MTRFR: variants seen among roughly 807,000 people sequenced by gnomAD.
MTRFR encodes mitochondrial translation release factor in rescue, also known as probable peptide chain release factor C12orf65, mitochondrial.
Under a neutral mutation model 11.9 loss-of-function variants are expected in MTRFR, and 10 were observed. The observed-to-expected ratio is 0.84, with a 90% confidence interval of 0.52 to 1.42. MTRFR has a LOEUF of 1.42. Among genes scored for constraint, MTRFR ranks in the 40% most tolerant of loss-of-function variants. The pLI is 0.00. For synonymous variants in MTRFR, 77 were observed against 79.1 expected (o/e 0.97, Z 0.14); for missense variants, 196 against 197.9 (o/e 0.99, Z 0.06).
rs1533703 is a variant in MTRFR at position 123,257,546 on chromosome 12, T to G, written c.*515T>G. 0.64 allele frequency: 102,844 copies of G among 159,646 alleles called. 37,743 individuals carry two copies. The highest frequency in any genetic ancestry group is 1 in the East Asian group (5,366 of 5,390). 9.9% of individuals were successfully genotyped at this position (159,646 alleles called of 1,614,324 possible). A position where few individuals can be genotyped will look rare whatever the true frequency, so the allele number is the denominator to read the frequency against. ...CATCTCAAAAAAAAAATAAAACTAG[T>G]TCAAGTGCAATGACACACGCCTATA... On this transcript the variant is annotated 3_prime_UTR_variant, in exon 3 of 3. Transcript: ENST00000253233.
At chr12:123,239,235 C>T (rs935477746) in intron 1 of MTRFR, among the ~76,000 whole-genome samples, 1 of 152,212 alleles carries the variant, frequency 6.6e-6, no homozygotes, top group Non-Finnish European at 1.5e-5. Flanking sequence ...CGCCACTATA[C>T]TCCAGCCTGG....
At position 123,256,841 on chromosome 12, in the gene MTRFR, A is replaced by G. The variant is rs2138800133; in HGVS notation, c.311A>G (p.Asn104Ser). 1.2e-6 allele frequency: 2 copies of G among 1,613,646 alleles called. No individual in the cohort carries two copies. The highest frequency in any genetic ancestry group is 4.5e-5 in the East Asian group (2 of 44,882). The change falls in exon 3 of 3, where the codon AAC becomes AGC. Residue 104 changes from asparagine (N) to serine (S), a missense_variant. By Grantham distance (46) the Asn-to-Ser change is conservative (BLOSUM62 1). Transcript: ENST00000253233. ...KCHQTRSVDQ[N>S]RKLARKILQE... ...CATCAGACAAGATCAGTTGATCAGAACAGAAAGCTAGCTCGGAAAATCCTA... is the reference window on the plus strand; with the variant it reads ...CATCAGACAAGATCAGTTGATCAGAGCAGAAAGCTAGCTCGGAAAATCCTA...
rs548960972 is a variant in MTRFR, at chr12:123,247,441, G to C, written c.-28-6206G>C. On this transcript the variant is annotated intron_variant, in intron 1 of 2. Coordinates refer to ENST00000253233, the MANE Select transcript of MTRFR (RefSeq NM_152269.5). ...CTCTTTTAACTGCTGTTGCTTTAAA[G>C]TTTTTGTCTGATACAAGAATAGCTA... Among the ~76,000 whole-genome samples, 10 of 152,294 alleles carry C rather than the reference G, an allele frequency of 6.6e-5. No homozygotes were observed. In the South Asian group the frequency reaches 2.1e-3, roughly 32 times the overall value.
Position 123,256,881 on chromosome 12 carries a change from T to C in MTRFR, c.351T>C (p.Asp117=), listed in dbSNP as rs750686975. The C allele has an allele frequency of 1.9e-6, 3 of 1,613,948 alleles. No homozygotes were observed. The highest frequency in any genetic ancestry group is 1.7e-5 in the Admixed American group (1 of 59,998). Residue 117 remains aspartate, a synonymous_variant, in exon 3 of 3, where the codon GAT becomes GAC. Transcript: ENST00000253233. ...GGAAAATCCTACAAGAGAAAGTAGATGTTTTCTACAATGGTGAAAACAGTC... is the reference window on the plus strand; with the variant it reads ...GGAAAATCCTACAAGAGAAAGTAGACGTTTTCTACAATGGTGAAAACAGTC... ...LARKILQEKV[D]VFYNGENSPV...
At position 123,233,472 on chromosome 12, in the gene MTRFR, C is replaced by A. The variant is rs577696104; in HGVS notation, c.-88C>A. 2.0e-5 allele frequency: 3 copies of A among 152,300 alleles called. No individual in the cohort carries two copies. Among genetic ancestry groups the A allele is most frequent in the African/African-American group, 7.2e-5 (3 of 41,468 alleles). The allele number at this position is 152,300 out of a possible 1,614,324, so 9.4% of individuals were successfully genotyped here. A position where few individuals can be genotyped will look rare whatever the true frequency, so the allele number is the denominator to read the frequency against. On this transcript the variant is annotated 5_prime_UTR_variant, in exon 1 of 3. Coordinates refer to ENST00000253233, the MANE Select transcript of MTRFR (RefSeq NM_152269.5). ...TCAGGGATCGCGATTGCGAATCCTC[C>A]GCTGAGGTGATTTGGATATCCCTAG...
intron 1 of MTRFR, among the ~76,000 whole-genome samples, chr12:123,242,239 A>G (rs1358336593): frequency 6.6e-6 from 1 of 152,192 alleles, no homozygotes; most frequent in African/African-American, 2.4e-5. Context: ...GCCATCATCA[A>G]AGGAAAAGTA....
At chr12:123,245,965 A>G (rs2048033848) in intron 1 of MTRFR, among the ~76,000 whole-genome samples, 1 of 152,134 alleles carries the variant, frequency 6.6e-6, no homozygotes, top group Non-Finnish European at 1.5e-5. Flanking sequence ...TGAGAGTAGG[A>G]ATTCTTGTCT....
intron 1 of MTRFR, among the ~76,000 whole-genome samples, chr12:123,240,343 G>A (rs530885954): frequency 7.3e-5 from 11 of 151,160 alleles, no homozygotes; most frequent in African/African-American, 2.7e-4. Flanking sequence ...CGGAGACTCC[G>A]TCTAAAAAAA....
chr12:123,240,316 G>A (rs1014111512), intron 1 of MTRFR, among the ~76,000 whole-genome samples: 2 of 151,882 alleles, frequency 1.3e-5, no homozygotes, highest in Non-Finnish European at 2.9e-5. Context: ...GGAGGTTGCA[G>A]TGAGCAGTCA....
At chr12:123,237,196 C>T (rs1314916641) in intron 1 of MTRFR, among the ~76,000 whole-genome samples, 1 of 152,178 alleles carries the variant, frequency 6.6e-6, no homozygotes, top group Non-Finnish European at 1.5e-5. Context: ...GTGGCTCACG[C>T]CTGTAATCCC....
intron 2 of MTRFR, among the ~76,000 whole-genome samples, chr12:123,255,459 AT>A (rs59965275): frequency 1.5e-3 from 228 of 147,396 alleles, no homozygotes; most frequent in African/African-American, 1.8e-3. Context: ...ATTTCATAGA[AT>A]TTTTTTTTTT....
intron 2 of MTRFR, 185 bp downstream of exon 2, chr12:123,254,141 A>C: frequency 1.5e-6 from 1 of 654,268 alleles, no homozygotes; most frequent in Non-Finnish European, 2.6e-6. Flanking sequence ...ATTCCTCCCT[A>C]AGGCAGAACC....
rs2047764714 is a variant in MTRFR, at chr12:123,233,497, G to A, written c.-63G>A. On this transcript the variant is annotated 5_prime_UTR_variant, in exon 1 of 3. Transcript: ENST00000253233. ...CGCTGAGGTGATTTGGATATCCCTA[G>A]AACGTTGAGGGCACGAGTCGGGTCC... 1 of 152,284 alleles carries A rather than the reference G, an allele frequency of 6.6e-6. No individual in the cohort carries two copies. Among genetic ancestry groups the A allele is most frequent in the Non-Finnish European group, 1.5e-5 (1 of 68,062 alleles). 9.4% of individuals were successfully genotyped at this position (152,284 alleles called of 1,614,324 possible).
chr12:123,253,501 ATG>A, intron 1 of MTRFR, 144 bp from the exon 2 acceptor site: 1 of 746,256 alleles, frequency 1.3e-6, no homozygotes, highest in East Asian at 2.7e-5. Flanking sequence ...TTGCTGAATA[ATG>A]TGTCTCTACT....
At chr12:123,246,799 T>A (rs1357460400) in intron 1 of MTRFR, among the ~76,000 whole-genome samples, 1 of 134,064 alleles carries the variant, frequency 7.5e-6, no homozygotes, top group Non-Finnish European at 1.5e-5. Flanking sequence ...GGAGCAATCT[T>A]GGCTCACTGC....
intron 1 of MTRFR, among the ~76,000 whole-genome samples, chr12:123,239,747 CA>C (rs534727822): frequency 3.3e-5 from 5 of 152,168 alleles, no homozygotes; most frequent in Non-Finnish European, 7.4e-5. Context: ...AGAACATTAA[CA>C]CAACAGAGGT....
chr12:123,236,563 C>A (rs1249030416), intron 1 of MTRFR, among the ~76,000 whole-genome samples: 1 of 150,696 alleles, frequency 6.6e-6, no homozygotes, highest in Non-Finnish European at 1.5e-5. Flanking sequence ...CACTGCACTC[C>A]ACTTGGGTGA....
intron 1 of MTRFR, chr12:123,252,096 CT>C (rs1283474912): frequency 6.6e-6 from 1 of 152,254 alleles, no homozygotes; most frequent in Non-Finnish European, 1.5e-5. Flanking sequence ...CAGTCCAGCT[CT>C]TTTTCATCTC....
intron 1 of MTRFR, among the ~76,000 whole-genome samples, chr12:123,234,728 T>C (rs1216351022): frequency 6.6e-6 from 1 of 152,236 alleles, no homozygotes; most frequent in Middle Eastern, 3.2e-3. Context: ...TGTTATCCTA[T>C]CTTTCATGAT....
Sources: allele counts gnomAD v4.1 joint callset (sites outside exome capture counted in the v4.1 genomes callset), GRCh38; gene constraint gnomAD v4.1.1; transcripts MANE v1.5; gene names NCBI Gene and HGNC (gene_info 2026-07-23, HGNC 2026-07-21).